The following SGCZ variants were observed in gnomAD, a reference collection of about 807,000 sequenced individuals.
SGCZ encodes the protein sarcoglycan zeta.
In SGCZ, 40 loss-of-function variants were observed where a neutral mutation model predicts 41.3. The ratio of observed to expected loss-of-function variants is 0.97; its 90% CI spans 0.75 to 1.26. SGCZ has a LOEUF of 1.26. Among genes scored for constraint, SGCZ ranks in the 50% most tolerant of loss-of-function variants. The probability of loss-of-function intolerance (pLI) is 0.00; values close to 1 mark genes in which losing one functional copy is unlikely to be tolerated. For synonymous variants in SGCZ, 206 were observed against 137.5 expected (o/e 1.50, Z -3.49); for missense variants, 552 against 369.8 (o/e 1.49, Z -4.04).
chr8:14,364,060 C>T (rs1469596147), intron 2 of SGCZ, among the ~76,000 whole-genome samples: 8 of 152,126 alleles, frequency 5.3e-5, no homozygotes, highest in Non-Finnish European at 8.8e-5. Flanking sequence ...TTCCTCTCTA[C>T]TCAATAGATA....
chr8:14,548,335 T>C (rs12542568), intron 2 of SGCZ, among the ~76,000 whole-genome samples: 20,234 of 152,134 alleles, frequency 0.13, 1,618 homozygotes, highest in South Asian at 0.19. Flanking sequence ...TCAACACCAA[T>C]TTTGTATAAG....
At chr8:15,085,553 G>A (rs1160524468) in intron 1 of SGCZ, among the ~76,000 whole-genome samples, 1 of 152,152 alleles carries the variant, frequency 6.6e-6, no homozygotes, top group Non-Finnish European at 1.5e-5. Context: ...TATCAGCTCA[G>A]TCTAACCCAG....
At chr8:14,567,271 G>T (rs1399534411) in intron 1 of SGCZ, among the ~76,000 whole-genome samples, 1 of 152,212 alleles carries the variant, frequency 6.6e-6, no homozygotes, top group South Asian at 2.1e-4. Context: ...CACCAGTGCG[G>T]GATCCACTGG....
At chr8:14,702,871 AGATAGATAGAT>A (rs1484576502) in intron 1 of SGCZ, among the ~76,000 whole-genome samples, 14 of 148,902 alleles carry the variant, frequency 9.4e-5, no homozygotes, top group East Asian at 2.0e-4. Flanking sequence ...ATAGATAGAT[AGATAGATAGAT>A]AAAAAGATAG....
At chr8:14,525,111 G>T (rs62498402) in intron 2 of SGCZ, among the ~76,000 whole-genome samples, 811 of 21,278 alleles carry the variant, frequency 0.038, 5 homozygotes, top group South Asian at 0.25. Context: ...ATAGACAGAT[G>T]ATAGATAGAT....
At chr8:14,992,556 G>A (rs1284120987) in intron 1 of SGCZ, among the ~76,000 whole-genome samples, 1 of 148,998 alleles carries the variant, frequency 6.7e-6, no homozygotes, top group Non-Finnish European at 1.5e-5. Flanking sequence ...TGTTGGCATT[G>A]ATATTTACCC....
chr8:14,625,764 T>A (rs775197589), intron 1 of SGCZ, among the ~76,000 whole-genome samples: 1 of 152,104 alleles, frequency 6.6e-6, no homozygotes, highest in Non-Finnish European at 1.5e-5. Flanking sequence ...TCCCCCAAGT[T>A]TGAATTCTGG....
At chr8:15,142,884 A>G (rs1453898333) in intron 1 of SGCZ, among the ~76,000 whole-genome samples, 1 of 152,164 alleles carries the variant, frequency 6.6e-6, no homozygotes, top group Non-Finnish European at 1.5e-5. Context: ...TGCTGGAATT[A>G]CAGGCCTGAG....
chr8:14,399,491 G>C (rs544642783), intron 2 of SGCZ, among the ~76,000 whole-genome samples: 13 of 151,902 alleles, frequency 8.6e-5, no homozygotes, highest in Non-Finnish European at 1.8e-4. Context: ...GGATATATAG[G>C]TTCTTTCTCG....
At chr8:14,948,292 G>C (rs1005952483) in intron 1 of SGCZ, among the ~76,000 whole-genome samples, 12 of 152,204 alleles carry the variant, frequency 7.9e-5, no homozygotes, top group African/African-American at 2.6e-4. Flanking sequence ...GATGAGAACT[G>C]GGTATTCTCT....
intron 6 of SGCZ, 61 bp downstream of exon 6, chr8:14,108,102 T>C: frequency 6.9e-7 from 1 of 1,446,704 alleles, no homozygotes; most frequent in Non-Finnish European, 9.7e-7. Context: ...TAGTTCTTCA[T>C]ATATTAAGGA....
At chr8:14,219,568 G>A (rs1040447874) in intron 4 of SGCZ, among the ~76,000 whole-genome samples, 1 of 152,114 alleles carries the variant, frequency 6.6e-6, no homozygotes, top group Non-Finnish European at 1.5e-5. Flanking sequence ...CCAACATGAT[G>A]AAACCCCGTC....
intron 1 of SGCZ, among the ~76,000 whole-genome samples, chr8:14,982,094 G>T (rs1205049400): frequency 6.6e-6 from 1 of 151,528 alleles, no homozygotes; most frequent in African/African-American, 2.4e-5. Flanking sequence ...AGTTTGCAGT[G>T]AGCCAGGATC....
chr8:14,829,801 A>ATGTTT (rs571377682), intron 1 of SGCZ, among the ~76,000 whole-genome samples: 5 of 151,822 alleles, frequency 3.3e-5, no homozygotes, highest in African/African-American at 9.7e-5. Flanking sequence ...GTTCCCTAAC[A>ATGTTT]TGTTTTGTTT....
At chr8:14,121,258 T>A (rs1329519168) in intron 5 of SGCZ, among the ~76,000 whole-genome samples, 1 of 151,876 alleles carries the variant, frequency 6.6e-6, no homozygotes, top group Non-Finnish European at 1.5e-5. Context: ...CAGTATTGAA[T>A]ATATAATATT....
At chr8:14,325,046 G>C (rs190973079) in intron 2 of SGCZ, among the ~76,000 whole-genome samples, 233 of 152,166 alleles carry the variant, frequency 1.5e-3, no homozygotes, top group Middle Eastern at 3.4e-3. Flanking sequence ...TTTTGGAGCC[G>C]GAGAAAGGAA....
chr8:14,441,375 G>A (rs773789409), intron 2 of SGCZ, among the ~76,000 whole-genome samples: 1 of 152,114 alleles, frequency 6.6e-6, no homozygotes, highest in East Asian at 1.9e-4. Context: ...AAGAGATTGA[G>A]GCCATCCTGT....
At position 15,100,205 on chromosome 8, in the gene SGCZ, A is replaced by T. The variant is rs77024903; in HGVS notation, c.39+137380T>A. 3.7e-3 allele frequency among the ~76,000 whole-genome samples: 564 copies of T among 152,306 alleles called. 6 individuals carry two copies. The highest frequency in any genetic ancestry group is 0.011 in the African/African-American group (440 of 41,570). On this transcript the variant is annotated intron_variant, in intron 1 of 7. Transcript: ENST00000382080. ...CTTGATTGTCTATGCAGAAAATTGCAAAACCTGAAAACAAAATTTCCTGGA... is the reference window on the plus strand; with the variant it reads ...CTTGATTGTCTATGCAGAAAATTGCTAAACCTGAAAACAAAATTTCCTGGA...
At chr8:15,072,514 C>G (rs918511512) in intron 1 of SGCZ, among the ~76,000 whole-genome samples, 4 of 152,156 alleles carry the variant, frequency 2.6e-5, no homozygotes, top group Admixed American at 2.6e-4. Flanking sequence ...AGCCCATCAA[C>G]CCAACCTGAC....
Sources: gnomAD v4.1 joint callset for allele counts (sites outside exome capture counted in the v4.1 genomes callset) on GRCh38, gnomAD v4.1.1 for gene constraint, MANE v1.5 for transcripts, NCBI Gene and HGNC (gene_info 2026-07-23, HGNC 2026-07-21) for gene names.